Variants in PPP5C observed in about 807,000 individuals in gnomAD.
The protein encoded by PPP5C is protein phosphatase 5 catalytic subunit, also known as serine/threonine-protein phosphatase 5.
In PPP5C, 21 loss-of-function variants were observed where a neutral mutation model predicts 66.7. That is an observed-to-expected ratio of 0.31 (90% confidence interval 0.22 to 0.45). The LOEUF (loss-of-function observed/expected upper bound fraction) is 0.45, where lower values mean the gene tolerates loss of function less well. Among genes scored for constraint, PPP5C ranks in the 20% least tolerant of loss-of-function variants. PPP5C has a pLI of 1.00. For missense variants in PPP5C, 464 were observed against 675.9 expected (o/e 0.69, Z 3.48); for synonymous variants, 246 against 257.4 (o/e 0.96, Z 0.43).
intron 2 of PPP5C, among the ~76,000 whole-genome samples, chr19:46,356,398 A>T (rs1246607610): frequency 6.6e-6 from 1 of 152,202 alleles, no homozygotes; most frequent in Non-Finnish European, 1.5e-5. Flanking sequence ...TGCTTGCTGG[A>T]TGCTAGAGTT....
At chr19:46,356,801 A>G (rs917946) in intron 2 of PPP5C, among the ~76,000 whole-genome samples, 17,979 of 152,218 alleles carry the variant, frequency 0.12, 1,642 homozygotes, top group East Asian at 0.39. Context: ...ACAAGTACAG[A>G]TGAGTGATGG....
chr19:46,353,975 C>T lies in PPP5C; in HGVS notation c.349C>T (p.Arg117Ter). 3 of 1,610,622 alleles carry T rather than the reference C, an allele frequency of 1.9e-6. No individual in the cohort carries two copies. The highest frequency in any genetic ancestry group is 1.7e-6 in the Non-Finnish European group (2 of 1,179,206). ...ACTGGGCAAGTTCCGGGCCGCGCTG[C>T]GAGACTACGAGACGGTGAGCTGGGG... ...MALGKFRAALRDYETVVKVKP... is the reference protein window; with the variant it reads ...MALGKFRAAL The change falls in exon 2 of 13, where the codon CGA becomes TGA. Residue 117 changes from arginine to a stop codon, truncating the protein, a stop_gained. Coordinates refer to ENST00000012443, the MANE Select transcript of PPP5C (RefSeq NM_006247.4). LOFTEE classifies it high-confidence loss of function.
At chr19:46,369,896 A>G (rs1032224731) in intron 2 of PPP5C, among the ~76,000 whole-genome samples, 1 of 145,708 alleles carries the variant, frequency 6.9e-6, no homozygotes, top group Non-Finnish European at 1.5e-5. Context: ...ATTGCACTCC[A>G]GCCTGGGCAG....
chr19:46,390,678 C>A lies in PPP5C; in HGVS notation c.*332C>A. The stretch of plus-strand genomic sequence containing the variant: ...TCATTTGCATGGCTCCTCCCCCACT[C>A]AAGCAATAGGGCCCCGCCATAGGAA... On this transcript the variant is annotated 3_prime_UTR_variant, in exon 13 of 13. Coordinates refer to ENST00000012443, the MANE Select transcript of PPP5C (RefSeq NM_006247.4). 8.1e-7 allele frequency: 1 copy of A among 1,230,658 alleles called. No homozygotes were observed. The highest frequency in any genetic ancestry group is 1.0e-6 in the Non-Finnish European group (1 of 970,966). 76.2% of individuals were successfully genotyped at this position (1,230,658 alleles called of 1,614,324 possible). A position where few individuals can be genotyped will look rare whatever the true frequency, so the allele number is the denominator to read the frequency against.
chr19:46,387,273 C>G, intron 8 of PPP5C, 38 bp downstream of exon 8: 1 of 1,613,862 alleles, frequency 6.2e-7, no homozygotes, highest in Non-Finnish European at 8.5e-7. Context: ...GGTTCCCCAC[C>G]CAGCCACACC....
chr19:46,384,994 A>G (rs1281647836), intron 7 of PPP5C, 85 bp downstream of exon 7: 1 of 1,117,548 alleles, frequency 8.9e-7, no homozygotes, highest in Non-Finnish European at 1.4e-6. Flanking sequence ...TTGCAGCTGT[A>G]TTTATTTTGT....
At chr19:46,355,239 G>A (rs1462434451) in intron 2 of PPP5C, among the ~76,000 whole-genome samples, 4 of 152,094 alleles carry the variant, frequency 2.6e-5, no homozygotes, top group Admixed American at 1.3e-4. Context: ...TGCAGCAGGG[G>A]GCTTGGTCAG....
At position 46,376,050 on chromosome 19, in the gene PPP5C, T is replaced by C. The variant is rs73553126; in HGVS notation, c.511+299T>C. On this transcript the variant is annotated intron_variant, in intron 3 of 12. Coordinates refer to ENST00000012443, the MANE Select transcript of PPP5C (RefSeq NM_006247.4). This position sits in a 1 kb window ranked among gnomAD's most constrained non-coding sequence, Gnocchi z 5.1. ...GATTCACCTCTAGGTGCTGAGAAGA[T>C]CCAAGGGATTGTTGTGGATCATCCC... is the stretch of plus-strand genomic sequence containing the variant. 0.018 allele frequency among the ~76,000 whole-genome samples: 2,674 copies of C among 152,270 alleles called. 94 individuals are homozygous for C. Among genetic ancestry groups the C allele is most frequent in the African/African-American group, 0.061 (2,554 of 41,546 alleles).
At chr19:46,363,307 CAAAAAAA>C (rs1158423038) in intron 2 of PPP5C, among the ~76,000 whole-genome samples, 7 of 27,946 alleles carry the variant, frequency 2.5e-4, no homozygotes, top group African/African-American at 7.3e-4. Context: ...GACTCCATCT[CAAAAAAA>C]AAAAAAAAAA....
chr19:46,362,202 G>C (rs535098726), intron 2 of PPP5C, among the ~76,000 whole-genome samples: 1 of 152,116 alleles, frequency 6.6e-6, no homozygotes, highest in Non-Finnish European at 1.5e-5. Flanking sequence ...GTAATTCATA[G>C]CAAAAACCTA....
At chr19:46,347,368 A>G in intron 1 of PPP5C, 151 bp downstream of exon 1, 5 of 1,277,364 alleles carry the variant, frequency 3.9e-6, no homozygotes. Flanking sequence ...GGCGCTGCCA[A>G]GGAGCGACAT....
chr19:46,347,141 C>G lies in PPP5C; in HGVS notation c.45C>G (p.Pro15=), dbSNP rs946853359. 3 of 1,604,958 alleles carry G rather than the reference C, an allele frequency of 1.9e-6. No individual in the cohort carries two copies. Among genetic ancestry groups the G allele is most frequent in the Admixed American group, 1.7e-5 (1 of 58,776 alleles). ...AGAGGACTGAGTGTGCTGAGCCCCC[C>G]CGGGACGAACCCCCGGCTGATGGAG... ...EGERTECAEP[P]RDEPPADGAL... The change falls in exon 1 of 13, where the codon CCC becomes CCG. Residue 15 remains proline (P), a synonymous_variant. Transcript: ENST00000012443.
intron 1 of PPP5C, 101 bp downstream of exon 1, chr19:46,347,318 C>A: frequency 6.9e-7 from 1 of 1,447,254 alleles, no homozygotes; most frequent in Non-Finnish European, 9.1e-7. Context: ...GGGCGCGGGG[C>A]AGACACTACC....
chr19:46,383,568 C>A lies in PPP5C; in HGVS notation c.699+92C>A. The stretch of plus-strand genomic sequence containing the variant: ...AGAGCTCAGGAACTCACGGATCCAC[C>A]TCCCTCTCTCCCTCACACCCCACCC... On this transcript the variant is annotated intron_variant, in intron 5 of 12. Transcript: ENST00000012443. The surrounding 1 kb of genome is among the most constrained non-coding windows in gnomAD (Gnocchi z 5.0). 1 of 1,280,668 alleles carries A rather than the reference C, an allele frequency of 7.8e-7. No homozygotes were observed. 79.3% of individuals were successfully genotyped at this position (1,280,668 alleles called of 1,614,324 possible).
chr19:46,375,500 C>T (rs1032293293), intron 2 of PPP5C, 104 bp from the exon 3 acceptor site: 6 of 1,487,802 alleles, frequency 4.0e-6, no homozygotes, highest in East Asian at 2.4e-5. Flanking sequence ...GGCGCCCAGG[C>T]GGTCTGACTT....
chr19:46,387,608 G>A, intron 9 of PPP5C, 155 bp downstream of exon 9: 1 of 1,539,028 alleles, frequency 6.5e-7, no homozygotes, highest in South Asian at 1.2e-5. Context: ...ACTTGGGCCA[G>A]TGCACCTCCT....
chr19:46,363,180 C>A, intron 2 of PPP5C, among the ~76,000 whole-genome samples: 1 of 140,512 alleles, frequency 7.1e-6, no homozygotes, highest in South Asian at 2.4e-4. Context: ...TGGTGGCGGG[C>A]GCCTGTAGTC....
intron 1 of PPP5C, among the ~76,000 whole-genome samples, chr19:46,353,089 G>A (rs1427929706): frequency 2.0e-5 from 3 of 152,188 alleles, no homozygotes; most frequent in Non-Finnish European, 4.4e-5. Context: ...ATCAAGCCTG[G>A]CTCTGCAGGT....
intron 1 of PPP5C, 64 bp from the exon 2 acceptor site, chr19:46,353,684 C>T: frequency 6.3e-7 from 1 of 1,597,008 alleles, no homozygotes; most frequent in Non-Finnish European, 8.6e-7. Flanking sequence ...GGGCGTCACC[C>T]AGCCCAGGGC....
Sources: allele counts gnomAD v4.1 joint callset (sites outside exome capture counted in the v4.1 genomes callset), GRCh38; gene constraint gnomAD v4.1.1; non-coding constraint Gnocchi (gnomAD v3.1); transcripts MANE v1.5; gene names NCBI Gene and HGNC (gene_info 2026-07-23, HGNC 2026-07-21).